Variants in STIM2 observed in about 807,000 individuals in gnomAD.
The protein encoded by STIM2 is stromal interaction molecule 2.
In STIM2, 31 loss-of-function variants were observed where a neutral mutation model predicts 85.8. The observed-to-expected ratio is 0.36, with a 90% CI of 0.27 to 0.49. The LOEUF (loss-of-function observed/expected upper bound fraction) is 0.49, where lower values mean the gene tolerates loss of function less well. STIM2 is among the 20% of genes least tolerant of loss of function. The pLI, the probability that STIM2 is intolerant of heterozygous loss-of-function variation, is 0.98. For synonymous variants in STIM2, 356 were observed against 331.1 expected (o/e 1.08, Z -0.82); for missense variants, 841 against 927.6 (o/e 0.91, Z 1.21).
intron 11 of STIM2, among the ~76,000 whole-genome samples, chr4:27,018,621 GGT>G (rs1728812725): frequency 1.3e-5 from 2 of 152,178 alleles, no homozygotes; most frequent in South Asian, 4.1e-4. Context: ...ACTGGAAGAA[GGT>G]GTGTGTACAC....
At chr4:26,882,767 C>T (rs1262852184) in intron 1 of STIM2, among the ~76,000 whole-genome samples, 3 of 151,666 alleles carry the variant, frequency 2.0e-5, no homozygotes, top group African/African-American at 7.3e-5. Flanking sequence ...CCATTAGTCT[C>T]TTCTTATGGC....
chr4:26,996,607 AATT>A (rs1727968509), intron 4 of STIM2, among the ~76,000 whole-genome samples: 1 of 152,100 alleles, frequency 6.6e-6, no homozygotes, highest in South Asian at 2.1e-4. Flanking sequence ...AGAATGATGA[AATT>A]ATAGGGATAA....
At chr4:26,909,596 C>G (rs572484078) in intron 1 of STIM2, among the ~76,000 whole-genome samples, 1 of 152,292 alleles carries the variant, frequency 6.6e-6, no homozygotes, top group East Asian at 1.9e-4. Flanking sequence ...CTTTATTTCT[C>G]TAGTGTTGAT....
chr4:26,889,883 A>G (rs1723401076), intron 1 of STIM2, among the ~76,000 whole-genome samples: 1 of 152,084 alleles, frequency 6.6e-6, no homozygotes, highest in Non-Finnish European at 1.5e-5. Flanking sequence ...ATTCCTTCAC[A>G]TTTTTTGCCC....
intron 6 of STIM2, 74 bp downstream of exon 6, chr4:27,002,468 T>C: frequency 8.6e-7 from 1 of 1,167,026 alleles, no homozygotes. Context: ...GGGCATGTGC[T>C]TAAATACTTA....
intron 1 of STIM2, among the ~76,000 whole-genome samples, chr4:26,891,465 G>T (rs74738342): frequency 1.3e-4 from 20 of 152,002 alleles, no homozygotes; most frequent in Admixed American, 3.9e-4. Context: ...ATAATCTTGT[G>T]AACTAGTTCC....
At chr4:26,935,816 C>T (rs1001421987) in intron 2 of STIM2, among the ~76,000 whole-genome samples, 6 of 152,168 alleles carry the variant, frequency 3.9e-5, no homozygotes, top group Admixed American at 2.6e-4. Flanking sequence ...ATGACTTACT[C>T]TTTGTACCTT....
chr4:26,902,191 A>T (rs918064211), intron 1 of STIM2, among the ~76,000 whole-genome samples: 1 of 152,202 alleles, frequency 6.6e-6, no homozygotes. Flanking sequence ...AGACCATTAC[A>T]GGAACACTTC....
intron 10 of STIM2, among the ~76,000 whole-genome samples, chr4:27,016,290 A>G (rs993520071): frequency 1.3e-5 from 2 of 152,086 alleles, no homozygotes; most frequent in Non-Finnish European, 2.9e-5. Flanking sequence ...TTCTTGGTCA[A>G]TTGTTACAGC....
chr4:27,007,538 C>A lies in STIM2; in HGVS notation c.987C>A (p.Arg329=), dbSNP rs144580374. Residue 329 remains arginine, a synonymous_variant, in exon 8 of 12, where the codon CGC becomes CGA. Coordinates refer to ENST00000467087, the MANE Select transcript of STIM2 (RefSeq NM_020860.4). ...CCTTCCTTTCCTTCTTCTAGGTTCG[C>A]ATGGCTCTGAAAAAGGCCGAAAAAG... 126 of 1,532,466 alleles carry A rather than the reference C, an allele frequency of 8.2e-5. No homozygotes were observed. The highest frequency in any genetic ancestry group is 1.1e-4 in the Non-Finnish European group (122 of 1,136,732). 94.9% of individuals were successfully genotyped at this position (1,532,466 alleles called of 1,614,324 possible).
At chr4:26,976,078 G>C (rs902953630) in intron 3 of STIM2, among the ~76,000 whole-genome samples, 2 of 152,234 alleles carry the variant, frequency 1.3e-5, no homozygotes, top group Admixed American at 1.3e-4. Context: ...GAATCTCCTT[G>C]TCTGCTGGTT....
At chr4:27,022,406 T>G (rs1381527061) in intron 11 of STIM2, 113 bp from the exon 12 acceptor site, 1 of 838,894 alleles carries the variant, frequency 1.2e-6, no homozygotes, top group Admixed American at 2.7e-5. Context: ...ATCATATCAT[T>G]TCCCTCTTTT....
chr4:26,966,666 C>G (rs897305232), intron 3 of STIM2, among the ~76,000 whole-genome samples: 1 of 152,020 alleles, frequency 6.6e-6, no homozygotes, highest in African/African-American at 2.4e-5. Context: ...ATGACCTTTG[C>G]TCTTTCTAAA....
intron 1 of STIM2, among the ~76,000 whole-genome samples, chr4:26,902,088 A>G (rs1435566952): frequency 6.6e-6 from 1 of 152,088 alleles, no homozygotes; most frequent in African/African-American, 2.4e-5. Flanking sequence ...AAGGGTTTCA[A>G]CAGAAGTGGT....
chr4:26,930,364 T>C (rs1725160085), intron 2 of STIM2, among the ~76,000 whole-genome samples: 1 of 152,216 alleles, frequency 6.6e-6, no homozygotes, highest in Admixed American at 6.5e-5. Flanking sequence ...TTCTTACCTT[T>C]CCCTCTTTTT....
chr4:26,971,428 T>TA (rs758546473), intron 3 of STIM2, among the ~76,000 whole-genome samples: 9 of 152,198 alleles, frequency 5.9e-5, no homozygotes, highest in Admixed American at 5.2e-4. Context: ...GTATAAGGTG[T>TA]AAGGAAGGGA....
intron 2 of STIM2, among the ~76,000 whole-genome samples, chr4:26,953,805 TA>T (rs1291283026): frequency 6.6e-6 from 1 of 152,068 alleles, no homozygotes; most frequent in Non-Finnish European, 1.5e-5. Flanking sequence ...CGACTACTCA[TA>T]AAATGGTACA....
rs1316199935 is a variant in STIM2 at position 27,023,253 on chromosome 4, CT to C, written c.*258del. 4.6e-6 allele frequency: 2 copies of C among 435,202 alleles called. No homozygotes were observed. Among genetic ancestry groups the C allele is most frequent in the African/African-American group, 3.9e-5 (2 of 50,960 alleles). The allele number at this position is 435,202 out of a possible 1,614,324, so 27.0% of individuals were successfully genotyped here. Reference sequence around the variant, plus strand: ...TGAGACAGTTTACAGTCATTTCTGCCTATTTATTTCTGCTTTGTTCTCAGTG... The same window carrying C: ...TGAGACAGTTTACAGTCATTTCTGCCATTTATTTCTGCTTTGTTCTCAGTG... On this transcript the variant is annotated 3_prime_UTR_variant, in exon 12 of 12. Coordinates refer to ENST00000467087, the MANE Select transcript of STIM2 (RefSeq NM_020860.4).
intron 1 of STIM2, among the ~76,000 whole-genome samples, chr4:26,869,569 C>T (rs908451295): frequency 6.6e-6 from 1 of 151,976 alleles, no homozygotes; most frequent in Non-Finnish European, 1.5e-5. Flanking sequence ...CACTCTGTTG[C>T]CCAGGCTGGA....
Sources: allele counts gnomAD v4.1 joint callset (sites outside exome capture counted in the v4.1 genomes callset), GRCh38; gene constraint gnomAD v4.1.1; transcripts MANE v1.5; gene names NCBI Gene and HGNC (gene_info 2026-07-23, HGNC 2026-07-21).